The following MACROD2 variants were observed in gnomAD, a reference collection of about 807,000 sequenced individuals.
MACROD2 encodes the protein ADP-ribose glycohydrolase MACROD2.
MACROD2 carries 36 observed loss-of-function variants against 70.4 expected under a neutral mutation model. That is an observed-to-expected ratio of 0.51 (90% confidence interval 0.39 to 0.68). The LOEUF (loss-of-function observed/expected upper bound fraction) is 0.68, where lower values mean the gene tolerates loss of function less well. Among genes scored for constraint, MACROD2 ranks in the 30% least tolerant of loss-of-function variants. The pLI, the probability that MACROD2 is intolerant of heterozygous loss-of-function variation, is 0.00. For synonymous variants in MACROD2, 172 were observed against 178.8 expected, an observed-to-expected ratio of 0.96 and a Z score of 0.30; for missense variants, 496 against 538.4, an observed-to-expected ratio of 0.92 and a Z score of 0.78.
At chr20:14,883,993 A>G (rs1466484360) in intron 5 of MACROD2, among the ~76,000 whole-genome samples, 1 of 152,170 alleles carries the variant, frequency 6.6e-6, no homozygotes, top group Non-Finnish European at 1.5e-5. Context: ...AGTATGTAAT[A>G]TATTCTGTCA....
intron 3 of MACROD2, among the ~76,000 whole-genome samples, chr20:14,215,748 T>G (rs1031550253): frequency 6.6e-6 from 1 of 152,222 alleles, no homozygotes; most frequent in Non-Finnish European, 1.5e-5. Context: ...TTGATTTGCA[T>G]TTCCCTGATC....
At chr20:14,899,607 G>T (rs150004125) in intron 5 of MACROD2, among the ~76,000 whole-genome samples, 1 of 152,218 alleles carries the variant, frequency 6.6e-6, no homozygotes, top group African/African-American at 2.4e-5. Flanking sequence ...ACTAGGGTTT[G>T]CCCTAATGAC....
At chr20:15,690,499 G>C (rs7261305) in intron 8 of MACROD2, among the ~76,000 whole-genome samples, 38,787 of 152,038 alleles carry the variant, frequency 0.26, 6,271 homozygotes, top group African/African-American at 0.46. Flanking sequence ...GGTGAGGGCA[G>C]CACCATAAGG....
Position 14,959,761 on chromosome 20 carries a change from C to T in MACROD2, c.419-270179C>T, listed in dbSNP as rs571296856. Among the ~76,000 whole-genome samples, 19 of 152,300 alleles carry T rather than the reference C, an allele frequency of 1.2e-4. No individual in the cohort carries two copies. The South Asian group carries it at 1.4e-3, about 12-fold the overall frequency. On this transcript the variant is annotated intron_variant, in intron 5 of 17. Coordinates refer to ENST00000684519, the MANE Select transcript of MACROD2 (RefSeq NM_001351661.2). ...CTCTTTGTAAGCCCTATTCCATCTGCCTGGTTGGTTTTGGCAGGATGGCTG... is the reference window on the plus strand; with the variant it reads ...CTCTTTGTAAGCCCTATTCCATCTGTCTGGTTGGTTTTGGCAGGATGGCTG...
chr20:14,855,931 C>G (rs988232658), intron 5 of MACROD2, among the ~76,000 whole-genome samples: 5 of 151,714 alleles, frequency 3.3e-5, no homozygotes, highest in African/African-American at 9.7e-5. Context: ...TAAAGAGAAC[C>G]CTTAACATTT....
intron 5 of MACROD2, among the ~76,000 whole-genome samples, chr20:15,022,204 G>A (rs967824784): frequency 3.3e-5 from 5 of 152,050 alleles, no homozygotes; most frequent in Non-Finnish European, 5.9e-5. Flanking sequence ...ATTTGTTGCT[G>A]TATACAACAT....
chr20:14,498,257 C>T (rs979321896), intron 4 of MACROD2, among the ~76,000 whole-genome samples: 2 of 148,274 alleles, frequency 1.3e-5, no homozygotes, highest in African/African-American at 5.3e-5. Context: ...ATCCATGTAA[C>T]CATAAAACAC....
intron 3 of MACROD2, among the ~76,000 whole-genome samples, chr20:14,485,933 G>A (rs1032200474): frequency 2.0e-5 from 3 of 152,054 alleles, no homozygotes; most frequent in African/African-American, 7.2e-5. Context: ...CAGAAGAACA[G>A]GGGCCATCCT....
At chr20:15,105,554 G>A (rs2075904413) in intron 5 of MACROD2, among the ~76,000 whole-genome samples, 1 of 152,068 alleles carries the variant, frequency 6.6e-6, no homozygotes, top group Non-Finnish European at 1.5e-5. Flanking sequence ...TGAAAGCTGA[G>A]GAGTCAGGGA....
intron 7 of MACROD2, among the ~76,000 whole-genome samples, chr20:15,495,594 C>T (rs886415647): frequency 2.6e-5 from 4 of 152,146 alleles, no homozygotes; most frequent in Non-Finnish European, 5.9e-5. Context: ...TCAATATGTA[C>T]AAAGATCCAC....
intron 6 of MACROD2, among the ~76,000 whole-genome samples, chr20:15,404,752 G>T (rs1221462146): frequency 1.3e-5 from 2 of 152,052 alleles, no homozygotes; most frequent in Non-Finnish European, 2.9e-5. Flanking sequence ...GTCCTCCTGG[G>T]TTATTTCTGT....
intron 8 of MACROD2, among the ~76,000 whole-genome samples, chr20:15,804,396 G>A (rs1250002937): frequency 6.6e-6 from 1 of 152,186 alleles, no homozygotes; most frequent in East Asian, 1.9e-4. Flanking sequence ...TGACAGAAAA[G>A]TTCATTTCAA....
At position 14,461,992 on chromosome 20, in the gene MACROD2, G is replaced by T. The variant is rs2084378367; in HGVS notation, c.272-31487G>T. Among the ~76,000 whole-genome samples, 3 of 151,786 alleles carry T rather than the reference G, an allele frequency of 2.0e-5. No individual in the cohort carries two copies. The South Asian group carries it at 6.2e-4, about 32-fold the overall frequency. On this transcript the variant is annotated intron_variant, in intron 3 of 17. Coordinates refer to ENST00000684519, the MANE Select transcript of MACROD2 (RefSeq NM_001351661.2). ...TAGCAGCATGATTTATAATCCTTTG[G>T]GTATATACCCAGTAATGTTGGGTAT...
In MACROD2 at chr20:14,954,734, A is replaced by AAATATATG. The variant is rs2058724712; in HGVS notation, c.418+269778_418+269779insATATGAAT. On this transcript the variant is annotated intron_variant, in intron 5 of 17. Transcript: ENST00000684519. The stretch of plus-strand genomic sequence containing the variant: ...TAAATATATAAATGTATAAATATAT[A>AAATATATG]AATTATAAATTATAAATATATAAAT... Among the ~76,000 whole-genome samples the AAATATATG allele has an allele frequency of 1.4e-4, 5 of 36,000 alleles. No individual in the cohort carries two copies. In the East Asian group the frequency reaches 3.0e-3, roughly 21 times the overall value. 23.6% of individuals were successfully genotyped at this position (36,000 alleles called of 152,430 possible).
intron 3 of MACROD2, among the ~76,000 whole-genome samples, chr20:14,165,966 TC>T (rs1185343317): frequency 2.0e-5 from 3 of 152,204 alleles, no homozygotes; most frequent in Non-Finnish European, 4.4e-5. Flanking sequence ...ATTAACTTCC[TC>T]CCATTTTAAT....
At chr20:14,278,993 G>A (rs1386913502) in intron 3 of MACROD2, among the ~76,000 whole-genome samples, 6 of 152,072 alleles carry the variant, frequency 3.9e-5, no homozygotes, top group African/African-American at 1.2e-4. Flanking sequence ...AGGAGCTGGG[G>A]GTAATGTAGG....
rs183909397 is a variant in MACROD2 at position 15,877,616 on chromosome 20, G to A, written c.728-8148G>A. Among the ~76,000 whole-genome samples the A allele has an allele frequency of 1.6e-3, 243 of 152,266 alleles. 2 individuals carry two copies. Among genetic ancestry groups the A allele is most frequent in the Non-Finnish European group, 2.0e-3 (138 of 68,020 alleles). On this transcript the variant is annotated intron_variant, in intron 9 of 17. Coordinates refer to ENST00000684519, the MANE Select transcript of MACROD2 (RefSeq NM_001351661.2). ...CCTTATCGGACATTCTTTGCCTGAA[G>A]TTTCTGCTTTGTCAAGTCCTACAAG...
chr20:14,053,431 G>A (rs189403151), intron 2 of MACROD2: 27 of 152,034 alleles, frequency 1.8e-4, no homozygotes, highest in African/African-American at 6.0e-4. Flanking sequence ...TAGGAATTAT[G>A]TCTCTGCTGT....
chr20:14,719,829 C>T (rs2071443279), intron 5 of MACROD2, among the ~76,000 whole-genome samples: 1 of 152,194 alleles, frequency 6.6e-6, no homozygotes, highest in African/African-American at 2.4e-5. Flanking sequence ...AGTGACCCTG[C>T]TCTCCATGTG....
Sources: gnomAD v4.1 joint callset for allele counts (sites outside exome capture counted in the v4.1 genomes callset) on GRCh38, gnomAD v4.1.1 for gene constraint, MANE v1.5 for transcripts, NCBI Gene and HGNC (gene_info 2026-07-23, HGNC 2026-07-21) for gene names.